Variants in RBFOX1 observed in about 807,000 individuals in gnomAD.
RBFOX1 encodes the protein RNA binding fox-1 homolog 1.
Under a neutral mutation model 57.7 loss-of-function variants are expected in RBFOX1, and 8 were observed. The ratio of observed to expected loss-of-function variants is 0.14; its 90% CI spans 0.08 to 0.25. The LOEUF (loss-of-function observed/expected upper bound fraction) is 0.25. RBFOX1 is among the 10% of genes least tolerant of loss of function. RBFOX1 has a pLI of 1.00. For synonymous variants in RBFOX1, 326 were observed against 222.4 expected, an observed-to-expected ratio of 1.47 and a Z score of -4.15; for missense variants, 611 against 548.5, an observed-to-expected ratio of 1.11 and a Z score of -1.14.
chr16:7,527,642 G>C (rs941923520), intron 5 of RBFOX1, among the ~76,000 whole-genome samples: 1 of 152,106 alleles, frequency 6.6e-6, no homozygotes, highest in Non-Finnish European at 1.5e-5. Context: ...GGGACCATAG[G>C]CACGTTACAT....
intron 2 of RBFOX1, among the ~76,000 whole-genome samples, chr16:6,491,475 T>C (rs950067428): frequency 2.6e-5 from 4 of 152,188 alleles, no homozygotes; most frequent in African/African-American, 9.6e-5. Context: ...ATCAATGTTA[T>C]AAGTGGTTCA....
At chr16:5,998,189 C>G (rs1457519399) in intron 4 of RBFOX1, among the ~76,000 whole-genome samples, 1 of 152,144 alleles carries the variant, frequency 6.6e-6, no homozygotes, top group Non-Finnish European at 1.5e-5. Flanking sequence ...TTGTTTTGTT[C>G]TGGGGAAAAT....
chr16:6,094,733 A>G (rs946303559), intron 1 of RBFOX1, among the ~76,000 whole-genome samples: 3 of 152,168 alleles, frequency 2.0e-5, no homozygotes, highest in Admixed American at 1.3e-4. Context: ...GACAGTATCA[A>G]CCTCATAGTG....
chr16:5,264,883 C>T (rs879879311), intron 1 of RBFOX1, among the ~76,000 whole-genome samples: 7 of 152,120 alleles, frequency 4.6e-5, no homozygotes, highest in Non-Finnish European at 1.0e-4. Flanking sequence ...CACCCCACAC[C>T]TCCCTGCAGA....
chr16:7,542,573 G>A (rs1460959994), intron 5 of RBFOX1, among the ~76,000 whole-genome samples: 1 of 151,852 alleles, frequency 6.6e-6, no homozygotes, highest in Non-Finnish European at 1.5e-5. Flanking sequence ...AGAGGGATGG[G>A]GCCGGGTGCA....
At chr16:6,766,986 A>G (rs182727775) in intron 3 of RBFOX1, among the ~76,000 whole-genome samples, 37 of 152,168 alleles carry the variant, frequency 2.4e-4, no homozygotes, top group Admixed American at 3.9e-4. Flanking sequence ...TGAAGGAACA[A>G]CCTTCCAGCT....
intron 1 of RBFOX1, among the ~76,000 whole-genome samples, chr16:5,409,104 G>T (rs143238348): frequency 6.6e-6 from 1 of 152,184 alleles, no homozygotes; most frequent in Non-Finnish European, 1.5e-5. Context: ...ATTTCTGCAG[G>T]GCAGGTCCCA....
At chr16:7,234,588 ATGTGTGTGTG>A (rs138784510) in intron 4 of RBFOX1, among the ~76,000 whole-genome samples, 12 of 141,810 alleles carry the variant, frequency 8.5e-5, no homozygotes, top group African/African-American at 2.9e-4. Context: ...GTGTATACAT[ATGTGTGTGTG>A]TGTGTGTGTG....
intron 2 of RBFOX1, among the ~76,000 whole-genome samples, chr16:6,618,095 C>G (rs1267684154): frequency 1.3e-5 from 2 of 152,066 alleles, no homozygotes; most frequent in African/African-American, 2.4e-5. Context: ...GCGGGAATCC[C>G]ATCCCCTTTC....
chr16:7,059,984 G>A (rs1307628451), intron 4 of RBFOX1, among the ~76,000 whole-genome samples: 1 of 152,142 alleles, frequency 6.6e-6, no homozygotes, highest in Non-Finnish European at 1.5e-5. Context: ...TGAGAAGACT[G>A]TAAAATATTA....
intron 4 of RBFOX1, among the ~76,000 whole-genome samples, chr16:7,131,660 C>A (rs941992043): frequency 1.3e-5 from 2 of 151,840 alleles, no homozygotes; most frequent in East Asian, 3.9e-4. Context: ...GCAGAGCTTC[C>A]TTAGCATAAA....
chr16:6,324,405 C>T (rs1274358095), intron 2 of RBFOX1, among the ~76,000 whole-genome samples: 1 of 152,134 alleles, frequency 6.6e-6, no homozygotes, highest in Non-Finnish European at 1.5e-5. Context: ...GAGCCACAGG[C>T]TGTACAGGAA....
rs112517559 is a variant in RBFOX1 at position 5,886,492 on chromosome 16, G to T, written c.351+19157G>T. Reference sequence around the variant, plus strand: ...GACCATTTCTCCATGGATCATTCAGGTTCTCAATGGCTATTTTAATTAAAA... The same window carrying T: ...GACCATTTCTCCATGGATCATTCAGTTTCTCAATGGCTATTTTAATTAAAA... On this transcript the variant is annotated intron_variant, in intron 4 of 19. Coordinates refer to the RBFOX1 transcript ENST00000641259. 2.9e-3 allele frequency among the ~76,000 whole-genome samples: 440 copies of T among 152,312 alleles called. 4 individuals are homozygous for T. The highest frequency in any genetic ancestry group is 0.01 in the African/African-American group (419 of 41,574).
chr16:6,869,386 A>G (rs1430424430), intron 3 of RBFOX1, among the ~76,000 whole-genome samples: 2 of 152,042 alleles, frequency 1.3e-5, no homozygotes, highest in South Asian at 2.1e-4. Flanking sequence ...AGAGTCAAAC[A>G]TGGGTCTTTC....
chr16:6,388,512 CAAAT>C (rs905785686), intron 2 of RBFOX1, among the ~76,000 whole-genome samples: 2 of 151,902 alleles, frequency 1.3e-5, no homozygotes, highest in African/African-American at 4.8e-5. Flanking sequence ...TTTTAGTTGA[CAAAT>C]AAAAATTGTG....
chr16:7,140,989 C>T (rs2073609131), intron 4 of RBFOX1, among the ~76,000 whole-genome samples: 1 of 152,142 alleles, frequency 6.6e-6, no homozygotes, highest in African/African-American at 2.4e-5. Flanking sequence ...AAGAGGAACC[C>T]TCGTTGGAAG....
At chr16:7,292,035 A>C (rs2141595033) in intron 4 of RBFOX1, among the ~76,000 whole-genome samples, 1 of 76,234 alleles carries the variant, frequency 1.3e-5, no homozygotes, top group South Asian at 6.6e-4. Context: ...ATATTATACA[A>C]TTATAGTATA....
At chr16:7,474,352 G>A (rs1370818311) in intron 4 of RBFOX1, among the ~76,000 whole-genome samples, 1 of 152,140 alleles carries the variant, frequency 6.6e-6, no homozygotes, top group Non-Finnish European at 1.5e-5. Context: ...ATGCTGCTGA[G>A]TAAATGGCCT....
At chr16:5,312,520 T>G (rs974274362) in intron 1 of RBFOX1, among the ~76,000 whole-genome samples, 3 of 152,122 alleles carry the variant, frequency 2.0e-5, no homozygotes, top group Non-Finnish European at 4.4e-5. Context: ...TTTCACCATC[T>G]TGGCCAGGCT....
Sources: allele counts gnomAD v4.1 joint callset (sites outside exome capture counted in the v4.1 genomes callset), GRCh38; gene constraint gnomAD v4.1.1; transcripts MANE v1.5; gene names NCBI Gene and HGNC (gene_info 2026-07-23, HGNC 2026-07-21).